The following NDUFS6 variants were observed in gnomAD, a reference collection of about 807,000 sequenced individuals.
The protein encoded by NDUFS6 is NADH dehydrogenase [ubiquinone] iron-sulfur protein 6, mitochondrial.
A neutral mutation model predicts 13.2 loss-of-function variants in NDUFS6; 14 were observed. That is an observed-to-expected ratio of 1.06 (90% CI 0.70 to 1.66). The LOEUF (loss-of-function observed/expected upper bound fraction) is 1.66, where lower values mean the gene tolerates loss of function less well. Ranked by LOEUF, NDUFS6 falls within the 40% of genes most tolerant of loss-of-function variation. The pLI is 0.00. For synonymous variants in NDUFS6, 95 were observed against 72.3 expected (o/e 1.31, Z -1.60); for missense variants, 206 against 170.8 (o/e 1.21, Z -1.15).
intron 2 of NDUFS6, among the ~76,000 whole-genome samples, chr5:1,813,989 G>A (rs550372994): frequency 6.6e-5 from 10 of 152,320 alleles, no homozygotes; most frequent in African/African-American, 2.4e-4. Flanking sequence ...AGACAGGCCC[G>A]AGCAATACAA....
At position 1,815,976 on chromosome 5, in the gene NDUFS6, G is replaced by A; in HGVS notation, c.*60G>A. 1 of 1,564,766 alleles carries A rather than the reference G, an allele frequency of 6.4e-7. No individual in the cohort carries two copies. Among genetic ancestry groups the A allele is most frequent in the Non-Finnish European group, 8.8e-7 (1 of 1,134,900 alleles). On this transcript the variant is annotated 3_prime_UTR_variant, in exon 4 of 4. Coordinates refer to ENST00000274137, the MANE Select transcript of NDUFS6 (RefSeq NM_004553.6). ...GTGAGCATTTCCGCGGGGAAGCTGA[G>A]CACGTGAAGCTCGCTGGTTCTGTGC...
chr5:1,801,494 G>T lies in NDUFS6; in HGVS notation c.77G>T (p.Arg26Met). The T allele has an allele frequency of 6.2e-7, 1 of 1,601,882 alleles. No individual in the cohort carries two copies. The highest frequency in any genetic ancestry group is 1.3e-5 in the African/African-American group (1 of 75,000). ...EAARSLPLGA[R>M]CFGVRVSPTG... ...GCGCGGAGCCTGCCCCTGGGCGCCA[G>T]GTGTTTCGGGGTGCGGGTCTCGCCG... is the stretch of plus-strand genomic sequence containing the variant. Residue 26 changes from arginine (R) to methionine (M), a missense_variant, in exon 1 of 4, where the codon AGG (arginine) becomes ATG (methionine). Physicochemically the swap from Arg to Met is moderately conservative, Grantham distance 91 (BLOSUM62 -1). Transcript: ENST00000274137.
At chr5:1,803,998 C>T (rs1003375941) in intron 2 of NDUFS6, among the ~76,000 whole-genome samples, 8 of 152,118 alleles carry the variant, frequency 5.3e-5, no homozygotes, top group African/African-American at 1.2e-4. Context: ...GGGGAGAAAC[C>T]GATGGATGTG....
intron 1 of NDUFS6, 110 bp from the exon 2 acceptor site, chr5:1,802,211 A>G (rs1333716313): frequency 6.7e-6 from 7 of 1,041,814 alleles, no homozygotes; most frequent in African/African-American, 1.6e-5. Flanking sequence ...CTTTTCATCA[A>G]TGGCCTAAAA....
chr5:1,813,958 A>G (rs1734261848), intron 2 of NDUFS6, among the ~76,000 whole-genome samples: 1 of 152,244 alleles, frequency 6.6e-6, no homozygotes, highest in South Asian at 2.1e-4. Flanking sequence ...TTCTTATGAA[A>G]CGCACATGGG....
At chr5:1,810,125 C>T (rs138195766) in intron 2 of NDUFS6, among the ~76,000 whole-genome samples, 24 of 152,372 alleles carry the variant, frequency 1.6e-4, no homozygotes, top group African/African-American at 5.8e-4. Flanking sequence ...GGCCTCTAGT[C>T]TCCAGAAATG....
rs1734301657 is a variant in NDUFS6, at chr5:1,815,886, T to G, written c.345T>G (p.Cys115Trp). The G allele has an allele frequency of 6.2e-7, 1 of 1,614,148 alleles. No homozygotes were observed. Among genetic ancestry groups the G allele is most frequent in the Non-Finnish European group, 8.5e-7 (1 of 1,180,052 alleles). ...KETKTGTCGY[C>W]GLQFRQHHH ...CAAAAACCGGCACATGCGGTTACTG[T>G]GGGCTCCAGTTCAGACAGCACCACC... Residue 115 changes from cysteine to tryptophan, a missense_variant, in exon 4 of 4, where the codon TGT becomes TGG. Physicochemically the swap from Cys to Trp is radical, Grantham distance 215. Coordinates refer to ENST00000274137, the MANE Select transcript of NDUFS6 (RefSeq NM_004553.6).
chr5:1,803,695 G>C (rs530266354), intron 2 of NDUFS6, among the ~76,000 whole-genome samples: 2 of 152,330 alleles, frequency 1.3e-5, no homozygotes, highest in Admixed American at 1.3e-4. Context: ...TGTTTGAATT[G>C]TTAGTGTATT....
intron 2 of NDUFS6, among the ~76,000 whole-genome samples, 180 bp downstream of exon 2, chr5:1,802,554 T>C (rs1412347769): frequency 6.6e-6 from 1 of 152,222 alleles, no homozygotes; most frequent in East Asian, 1.9e-4. Context: ...CTGACTTGTT[T>C]CCCCCTGAAA....
intron 2 of NDUFS6, among the ~76,000 whole-genome samples, chr5:1,803,787 C>T (rs3776150): frequency 0.2 from 31,133 of 152,178 alleles, 3,796 homozygotes; most frequent in South Asian, 0.38. Context: ...CATGGCATTG[C>T]GAATGGGACA....
At position 1,815,892 on chromosome 5, in the gene NDUFS6, C is replaced by T. The variant is rs1734301799; in HGVS notation, c.351C>T (p.Leu117=). The part of the protein sequence containing the change: ...TKTGTCGYCG[L]QFRQHHH ...CCGGCACATGCGGTTACTGTGGGCT[C>T]CAGTTCAGACAGCACCACCACTAGA... Residue 117 remains leucine, a synonymous_variant, in exon 4 of 4, where the codon CTC becomes CTT. Transcript: ENST00000274137. The T allele has an allele frequency of 2.5e-6, 4 of 1,614,152 alleles. No homozygotes were observed. Among genetic ancestry groups the T allele is most frequent in the Non-Finnish European group, 3.4e-6 (4 of 1,180,060 alleles).
Position 1,814,211 on chromosome 5 carries a change from T to C in NDUFS6, c.187-128T>C. Reference sequence around the variant, plus strand: ...CTGAATTTAATAAGGTCTACAATGATAATAGTTAAATGAAGCATGCACCAT... The same window carrying C: ...CTGAATTTAATAAGGTCTACAATGACAATAGTTAAATGAAGCATGCACCAT... On this transcript the variant is annotated intron_variant, in intron 2 of 3. Transcript: ENST00000274137. This position sits in a 1 kb window ranked among gnomAD's most constrained non-coding sequence, Gnocchi z 4.9. The C allele has an allele frequency of 7.5e-7, 1 of 1,327,286 alleles. No individual in the cohort carries two copies. Among genetic ancestry groups the C allele is most frequent in the Non-Finnish European group, 1.1e-6 (1 of 928,930 alleles). The allele number at this position is 1,327,286 out of a possible 1,614,324, so 82.2% of individuals were successfully genotyped here.
chr5:1,815,169 C>T (rs919919684), intron 3 of NDUFS6, among the ~76,000 whole-genome samples: 10 of 151,966 alleles, frequency 6.6e-5, no homozygotes, highest in Admixed American at 1.3e-4. Context: ...AACACAGGAC[C>T]GGAGAAAGAG....
chr5:1,805,091 G>A (rs1306063795), intron 2 of NDUFS6, among the ~76,000 whole-genome samples: 4 of 152,354 alleles, frequency 2.6e-5, no homozygotes, highest in Admixed American at 2.6e-4. Flanking sequence ...AACACTTCGG[G>A]AGGCCAAGGT....
chr5:1,811,257 A>G (rs1734215320), intron 2 of NDUFS6, among the ~76,000 whole-genome samples: 1 of 152,162 alleles, frequency 6.6e-6, no homozygotes, highest in Non-Finnish European at 1.5e-5. Flanking sequence ...TAATATGCAG[A>G]TTTTCAATTG....
chr5:1,805,509 G>A (rs1241897371), intron 2 of NDUFS6, among the ~76,000 whole-genome samples: 1 of 152,122 alleles, frequency 6.6e-6, no homozygotes, highest in Admixed American at 6.5e-5. Flanking sequence ...GGCCTGTGAC[G>A]GGCCTGCCTG....
rs898607661 is a variant in NDUFS6, at chr5:1,814,951, C to T, written c.309+490C>T. Among the ~76,000 whole-genome samples the T allele has an allele frequency of 6.6e-6, 1 of 152,166 alleles. No homozygotes were observed. The highest frequency in any genetic ancestry group is 6.5e-5 in the Admixed American group (1 of 15,286). ...CTCTGTGGGAGACTCCTCATCCCCT[C>T]TTCTTATAAGGGCACCAGGCAGATT... is the stretch of plus-strand genomic sequence containing the variant. On this transcript the variant is annotated intron_variant, in intron 3 of 3. Coordinates refer to ENST00000274137, the MANE Select transcript of NDUFS6 (RefSeq NM_004553.6). This position sits in a 1 kb window ranked among gnomAD's most constrained non-coding sequence, Gnocchi z 4.9.
intron 2 of NDUFS6, among the ~76,000 whole-genome samples, chr5:1,812,795 G>A (rs887772672): frequency 5.9e-5 from 9 of 151,678 alleles, no homozygotes; most frequent in African/African-American, 2.2e-4. Flanking sequence ...GCTCATGTCT[G>A]TAATCCCAGC....
chr5:1,806,744 C>A (rs534099384), intron 2 of NDUFS6, among the ~76,000 whole-genome samples: 1 of 152,240 alleles, frequency 6.6e-6, no homozygotes, highest in African/African-American at 2.4e-5. Context: ...AGGAAAACAG[C>A]GTGTGGGTTC....
Sources: allele counts gnomAD v4.1 joint callset (sites outside exome capture counted in the v4.1 genomes callset), GRCh38; gene constraint gnomAD v4.1.1; non-coding constraint Gnocchi (gnomAD v3.1); transcripts MANE v1.5; gene names NCBI Gene and HGNC (gene_info 2026-07-23, HGNC 2026-07-21).